LTBP2: variants seen among roughly 807,000 people sequenced by gnomAD.
LTBP2 encodes latent-transforming growth factor beta-binding protein 2.
LTBP2 carries 103 observed loss-of-function variants against 210.6 expected under a neutral mutation model. The ratio of observed to expected loss-of-function variants is 0.49; its 90% confidence interval spans 0.42 to 0.58. The LOEUF is 0.58. Ranked by LOEUF, LTBP2 falls within the 20% of genes least tolerant of loss-of-function variation. LTBP2 has a pLI of 0.00. For missense variants in LTBP2, 2,313 were observed against 2,494.5 expected (o/e 0.93, Z 1.55); for synonymous variants, 1,007 against 1,015.0 (o/e 0.99, Z 0.15).
At chr14:74,511,213 G>C (rs770835532) in intron 19 of LTBP2, 32 bp downstream of exon 19, 1 of 1,613,212 alleles carries the variant, frequency 6.2e-7, no homozygotes, top group South Asian at 1.1e-5. Flanking sequence ...AGGCCGAATG[G>C]CTGGCTCAGT....
At position 74,509,243 on chromosome 14, in the gene LTBP2, C is replaced by T; in HGVS notation, c.3398G>A (p.Cys1133Tyr). ...GYRPSPLGDS[C>Y]EDVDECEDPQ... ...TCCCACACAGAGGCTCATACCTTCA[C>T]AGGAGTCACCCAGGGGGCTGGGCCG... The change falls in exon 22 of 36, where the codon TGT becomes TAT. Residue 1133 changes from cysteine (C) to tyrosine (Y), a missense_variant. Physicochemically the swap from Cys to Tyr is radical, Grantham distance 194 (BLOSUM62 -2). Around this residue, in one of 3 missense-constraint regions of LTBP2, gnomAD observed 1,867 missense variants for 1,976.9 expected, o/e 0.94. Coordinates refer to ENST00000261978, the MANE Select transcript of LTBP2 (RefSeq NM_000428.3). 6.2e-7 allele frequency: 1 copy of T among 1,613,640 alleles called. No homozygotes were observed. The highest frequency in any genetic ancestry group is 8.5e-7 in the Non-Finnish European group (1 of 1,180,000).
intron 10 of LTBP2, among the ~76,000 whole-genome samples, chr14:74,529,592 C>T (rs954297755): frequency 6.6e-6 from 1 of 152,118 alleles, no homozygotes; most frequent in Non-Finnish European, 1.5e-5. Context: ...CACCCAGGCA[C>T]CTCCCATAGT....
intron 34 of LTBP2, chr14:74,502,441 T>C (rs2086921136): frequency 1.5e-6 from 1 of 678,400 alleles, no homozygotes; most frequent in Non-Finnish European, 2.6e-6. Context: ...TGTACCTTTT[T>C]GTGTCCCTGT....
intron 1 of LTBP2, among the ~76,000 whole-genome samples, chr14:74,608,540 C>A (rs1432230050): frequency 6.6e-6 from 1 of 151,478 alleles, no homozygotes; most frequent in African/African-American, 2.4e-5. Context: ...GAAACCCCAT[C>A]TCTACTAAAA....
At chr14:74,611,350 A>G in intron 1 of LTBP2, 101 bp downstream of exon 1, 1 of 1,285,128 alleles carries the variant, frequency 7.8e-7, no homozygotes, top group South Asian at 2.0e-5. Context: ...CAGAGGGACG[A>G]GGGTATGAGA....
Position 74,557,018 on chromosome 14 carries a change from T to C in LTBP2, c.831-1325A>G, listed in dbSNP as rs534961115. Among the ~76,000 whole-genome samples the C allele has an allele frequency of 3.5e-4, 53 of 152,238 alleles. 1 individual carries two copies. Among genetic ancestry groups the C allele is most frequent in the African/African-American group, 1.2e-3 (51 of 41,556 alleles). ...GGCTCACGCCTGTAATCCCAGCACTTTGGGAGGTCCATGCGGGCAGATCAC... is the reference window on the plus strand; with the variant it reads ...GGCTCACGCCTGTAATCCCAGCACTCTGGGAGGTCCATGCGGGCAGATCAC... On this transcript the variant is annotated intron_variant, in intron 3 of 35. Coordinates refer to ENST00000261978, the MANE Select transcript of LTBP2 (RefSeq NM_000428.3).
Position 74,535,995 on chromosome 14 carries a change from G to A in LTBP2, c.1795C>T (p.Pro599Ser). The A allele has an allele frequency of 6.2e-7, 1 of 1,614,110 alleles. No individual in the cohort carries two copies. The highest frequency in any genetic ancestry group is 8.5e-7 in the Non-Finnish European group (1 of 1,179,958). The part of the protein sequence containing the change: ...CAPCPPRPAS[P>S]VIENGQLECP... ...TCCAGCTGGCCATTCTCAATCACCG[G>A]GGAGGCTGAAGAGTGGAGATACGGA... Residue 599 changes from proline to serine, a missense_variant, in exon 9 of 36, where the codon CCG becomes TCG. By Grantham distance (74) the Pro-to-Ser change is moderately conservative. Transcript: ENST00000261978.
Position 74,552,882 on chromosome 14 carries a change from AG to A in LTBP2, c.1192+9del. On this transcript the variant is annotated intron_variant, in intron 5 of 35. Coordinates refer to ENST00000261978, the MANE Select transcript of LTBP2 (RefSeq NM_000428.3). ...CAGCTGGGAACCATCTGAGCAGGAA[AG>A]GGACTCACAGATGCGGAAGCCAGAC... 6.2e-7 allele frequency: 1 copy of A among 1,610,724 alleles called. No homozygotes were observed. Among genetic ancestry groups the A allele is most frequent in the African/African-American group, 1.3e-5 (1 of 74,992 alleles).
chr14:74,511,265 C>T lies in LTBP2; in HGVS notation c.3008G>A (p.Gly1003Asp). ...TCLACEEGYR[G>D]QSGSCVDVNE... ...CTCACCTACACAGCTCCCACTCTGG[C>T]CCCGGTAGCCCTCCTCACAGGCCAG... The change falls in exon 19 of 36, where the codon GGC (glycine) becomes GAC (aspartate). Residue 1003 changes from glycine to aspartate, a missense_variant. Coordinates refer to ENST00000261978, the MANE Select transcript of LTBP2 (RefSeq NM_000428.3). The T allele has an allele frequency of 1.2e-6, 2 of 1,614,002 alleles. No individual in the cohort carries two copies. Among genetic ancestry groups the T allele is most frequent in the African/African-American group, 1.3e-5 (1 of 75,050 alleles).
Position 74,500,672 on chromosome 14 carries a change from G to T in LTBP2, c.*212C>A, listed in dbSNP as rs2139683956. The T allele has an allele frequency of 1.6e-6, 1 of 641,682 alleles. No individual in the cohort carries two copies. Among genetic ancestry groups the T allele is most frequent in the Admixed American group, 2.4e-5 (1 of 42,454 alleles). The allele number at this position is 641,682 out of a possible 1,614,324, so 39.7% of individuals were successfully genotyped here. ...CTCATGCGGTGGCTGAAGCATTAAA[G>T]CGATTGGTGGTGCTTGAGCCAAGCA... On this transcript the variant is annotated 3_prime_UTR_variant, in exon 36 of 36. Coordinates refer to ENST00000261978, the MANE Select transcript of LTBP2 (RefSeq NM_000428.3).
Position 74,507,146 on chromosome 14 carries a change from C to T in LTBP2, c.3907+33G>A, listed in dbSNP as rs199628037. The T allele has an allele frequency of 2.0e-3, 3,225 of 1,613,988 alleles. 13 individuals are homozygous for T. Among genetic ancestry groups the T allele is most frequent in the Middle Eastern group, 3.8e-3 (23 of 6,062 alleles). ...TATGTGAAAAATAGGTTTTCTCAGC[C>T]CTCTCTCCTCTCTCTCCTCCCTCCC... On this transcript the variant is annotated intron_variant, in intron 26 of 35. Transcript: ENST00000261978.
At chr14:74,504,167 G>A (rs112997106) in intron 30 of LTBP2, 113 bp from the exon 31 acceptor site, 1 of 1,378,578 alleles carries the variant, frequency 7.3e-7, no homozygotes, top group Middle Eastern at 1.9e-4. Context: ...CACTTACTAG[G>A]TGGCTTTGGG....
intron 31 of LTBP2, 96 bp from the exon 32 acceptor site, chr14:74,503,702 T>C: frequency 6.5e-7 from 1 of 1,531,742 alleles, no homozygotes; most frequent in Non-Finnish European, 8.8e-7. Flanking sequence ...AATGAAGAGT[T>C]AGTGCCCTGC....
In LTBP2 at chr14:74,585,978, G is replaced by C. The variant is rs760235889; in HGVS notation, c.706C>G (p.Pro236Ala). ...EFDPQNSRLA[P>A]RRWAERSPNL... ...GGTGAACGCTCGGCCCAGCGTCGAG[G>C]TGCCAGCCTGGAGTTCTGGGGGTCA... The change falls in exon 3 of 36, where the codon CCT (proline) becomes GCT (alanine). Residue 236 changes from proline (P) to alanine (A), a missense_variant. Physicochemically the swap from Pro to Ala is conservative, Grantham distance 27 (BLOSUM62 -1). Transcript: ENST00000261978. The C allele has an allele frequency of 6.2e-7, 1 of 1,612,912 alleles. No individual in the cohort carries two copies. Among genetic ancestry groups the C allele is most frequent in the Non-Finnish European group, 8.5e-7 (1 of 1,179,580 alleles).
Position 74,585,927 on chromosome 14 carries a change from C to T in LTBP2, c.757G>A (p.Gly253Arg), listed in dbSNP as rs1261212315. The change falls in exon 3 of 36, where the codon GGA becomes AGA. Residue 253 changes from glycine to arginine, a missense_variant. Coordinates refer to ENST00000261978, the MANE Select transcript of LTBP2 (RefSeq NM_000428.3). The stretch of plus-strand genomic sequence containing the variant: ...TGTGCTCTGGCCAAGGTGCCCTCTC[C>T]AGCCGCACTGCTCCTGCGCAGGTTG... ...SPNLRRSSAA[G>R]EGTLARAQPP... 1 of 1,613,776 alleles carries T rather than the reference C, an allele frequency of 6.2e-7. No individual in the cohort carries two copies. The highest frequency in any genetic ancestry group is 8.5e-7 in the Non-Finnish European group (1 of 1,179,948).
chr14:74,580,892 G>A (rs1335417716), intron 3 of LTBP2, among the ~76,000 whole-genome samples: 3 of 152,176 alleles, frequency 2.0e-5, no homozygotes, highest in Admixed American at 1.3e-4. Flanking sequence ...CCAGGAGGTC[G>A]AGGCTGCAGT....
chr14:74,510,687 C>T (rs977016206), intron 19 of LTBP2, among the ~76,000 whole-genome samples: 33 of 152,206 alleles, frequency 2.2e-4, no homozygotes, highest in Non-Finnish European at 3.4e-4. Context: ...CCCTGAGGGC[C>T]TGGGAAACGT....
In LTBP2 at chr14:74,612,084, C is replaced by G; in HGVS notation, c.-140G>C. The G allele has an allele frequency of 5.5e-6, 5 of 905,992 alleles. No homozygotes were observed. Among genetic ancestry groups the G allele is most frequent in the Non-Finnish European group, 7.7e-6 (5 of 647,612 alleles). 56.1% of individuals were successfully genotyped at this position (905,992 alleles called of 1,614,324 possible). A position where few individuals can be genotyped will look rare whatever the true frequency, so the allele number is the denominator to read the frequency against. On this transcript the variant is annotated 5_prime_UTR_variant, in exon 1 of 36. Coordinates refer to ENST00000261978, the MANE Select transcript of LTBP2 (RefSeq NM_000428.3). The stretch of plus-strand genomic sequence containing the variant: ...GTCTAGGGGGCCCTGAAGCGGCCGA[C>G]TGGGGGCCCGGCTCTCGGCGGAACG...
chr14:74,606,718 A>G (rs1374190711), intron 1 of LTBP2, among the ~76,000 whole-genome samples: 1 of 152,200 alleles, frequency 6.6e-6, no homozygotes, highest in Non-Finnish European at 1.5e-5. Context: ...AAGCACCTGT[A>G]GTCCCAGCTA....
Sources: allele counts gnomAD v4.1 joint callset (sites outside exome capture counted in the v4.1 genomes callset), GRCh38; gene constraint gnomAD v4.1.1; regional missense constraint gnomAD v4.1.1; transcripts MANE v1.5; gene names NCBI Gene and HGNC (gene_info 2026-07-23, HGNC 2026-07-21).